Variants in UGT1A10 observed in about 807,000 individuals in gnomAD.
UGT1A10 encodes UDP glucuronosyltransferase family 1 member A10.
In UGT1A10, 49 loss-of-function variants were observed where a neutral mutation model predicts 45.8. That is an observed-to-expected ratio of 1.07 (90% CI 0.85 to 1.36). UGT1A10 has a LOEUF of 1.36. UGT1A10 is among the 40% of genes most tolerant of loss of function. The probability of loss-of-function intolerance (pLI) is 0.00; values close to 1 mark genes in which losing one functional copy is unlikely to be tolerated. For synonymous variants in UGT1A10, 284 were observed against 249.7 expected (o/e 1.14, Z -1.29); for missense variants, 745 against 668.6 (o/e 1.11, Z -1.26).
intron 1 of UGT1A10, among the ~76,000 whole-genome samples, chr2:233,701,445 A>G (rs2075628639): frequency 6.6e-6 from 1 of 152,168 alleles, no homozygotes; most frequent in Admixed American, 6.5e-5. Flanking sequence ...CGAGACAGAA[A>G]GTTAACAAGG....
In UGT1A10 at chr2:233,636,534, A is replaced by C. The variant is rs374664471; in HGVS notation, c.12A>C (p.Ala4=). ...GCTGCAGTTCTCTCATGGCTCGCGCAGGGTGGACCAGCCCCGTTCCTTTAT... is the reference window on the plus strand; with the variant it reads ...GCTGCAGTTCTCTCATGGCTCGCGCCGGGTGGACCAGCCCCGTTCCTTTAT... The part of the protein sequence containing the change: MAR[A]GWTSPVPLCV... Residue 4 remains alanine, a synonymous_variant, in exon 1 of 5, where the codon GCA becomes GCC. Coordinates refer to ENST00000344644, the MANE Select transcript of UGT1A10 (RefSeq NM_019075.4). 5.0e-6 allele frequency: 8 copies of C among 1,613,298 alleles called. No individual in the cohort carries two copies. Among genetic ancestry groups the C allele is most frequent in the Non-Finnish European group, 6.8e-6 (8 of 1,179,526 alleles).
chr2:233,718,955 G>C (rs1197227644), intron 1 of UGT1A10: 1 of 1,614,222 alleles, frequency 6.2e-7, no homozygotes, highest in Admixed American at 1.7e-5. Flanking sequence ...TCAGCATGCG[G>C]GAGGCCTTGC....
chr2:233,643,863 C>T (rs1433255166), intron 1 of UGT1A10, among the ~76,000 whole-genome samples: 1 of 152,170 alleles, frequency 6.6e-6, no homozygotes. Context: ...GGGCCTGGCA[C>T]AGGGGCCTCA....
At chr2:233,720,540 C>T (rs1283139859) in intron 1 of UGT1A10, among the ~76,000 whole-genome samples, 3 of 152,068 alleles carry the variant, frequency 2.0e-5, no homozygotes, top group African/African-American at 7.2e-5. Context: ...CACCCTATCC[C>T]ACTCCAAGTT....
At chr2:233,645,146 C>T (rs983267962) in intron 1 of UGT1A10, among the ~76,000 whole-genome samples, 2 of 152,132 alleles carry the variant, frequency 1.3e-5, no homozygotes, top group Non-Finnish European at 2.9e-5. Context: ...GACAAAGCAT[C>T]GATGAAAGCA....
At chr2:233,645,423 C>T (rs2073573994) in intron 1 of UGT1A10, among the ~76,000 whole-genome samples, 1 of 152,232 alleles carries the variant, frequency 6.6e-6, no homozygotes, top group African/African-American at 2.4e-5. Context: ...AAAGTCTCAG[C>T]ATTAACTCAA....
At chr2:233,753,670 G>T (rs1438239507) in intron 1 of UGT1A10, 3 of 152,198 alleles carry the variant, frequency 2.0e-5, no homozygotes, top group Admixed American at 6.5e-5. Flanking sequence ...TGTGTATGGT[G>T]CCTCACCCAA....
At chr2:233,638,329 T>C (rs1328010776) in intron 1 of UGT1A10, among the ~76,000 whole-genome samples, 1 of 152,212 alleles carries the variant, frequency 6.6e-6, no homozygotes, top group African/African-American at 2.4e-5. Context: ...TACATTTAAC[T>C]GATTACTGGT....
intron 1 of UGT1A10, chr2:233,748,082 C>T (rs1013967791): frequency 1.5e-5 from 25 of 1,612,926 alleles, no homozygotes; most frequent in East Asian, 6.7e-5. Context: ...TATCTCAGGT[C>T]GGTGTTCGTG....
In UGT1A10 at chr2:233,713,868, G is replaced by C. The variant is rs374502010; in HGVS notation, c.856-53166G>C. ...GAAGCCACTATCTCAGGTCTGTATT[G>C]GTGCCTTTATCCAATCAATGTTCCA... On this transcript the variant is annotated intron_variant, in intron 1 of 4. Coordinates refer to ENST00000344644, the MANE Select transcript of UGT1A10 (RefSeq NM_019075.4). 94 of 1,613,748 alleles carry C rather than the reference G, an allele frequency of 5.8e-5. No individual in the cohort carries two copies. The African/African-American group carries it at 1.1e-3, about 20-fold the overall frequency.
intron 1 of UGT1A10, among the ~76,000 whole-genome samples, chr2:233,701,695 C>A (rs560963987): frequency 6.6e-6 from 1 of 152,306 alleles, no homozygotes; most frequent in East Asian, 1.9e-4. Flanking sequence ...GAAAATCACT[C>A]AAAACCGCTC....
intron 1 of UGT1A10, among the ~76,000 whole-genome samples, chr2:233,688,403 T>C (rs1229313639): frequency 6.6e-6 from 1 of 152,250 alleles, no homozygotes; most frequent in Non-Finnish European, 1.5e-5. Context: ...TGTTCTAATT[T>C]TCGAGCCCAT....
intron 1 of UGT1A10, among the ~76,000 whole-genome samples, chr2:233,751,545 C>T (rs562388554): frequency 7.0e-4 from 106 of 152,320 alleles, no homozygotes; most frequent in Non-Finnish European, 1.4e-3. Context: ...TGTGTTTCCA[C>T]CCAAATCTCA....
chr2:233,762,916 A>T (rs1698195607), intron 1 of UGT1A10, among the ~76,000 whole-genome samples: 1 of 152,252 alleles, frequency 6.6e-6, no homozygotes, highest in African/African-American at 2.4e-5. Context: ...TATTGAATTT[A>T]TTAGAATCTC....
rs887601721 is a variant in UGT1A10 at position 233,701,996 on chromosome 2, G to C, written c.855+64619G>C. On this transcript the variant is annotated intron_variant, in intron 1 of 4. Coordinates refer to ENST00000344644, the MANE Select transcript of UGT1A10 (RefSeq NM_019075.4). ...AAAAGGCAAGAAATAACTAAGATCA[G>C]AGCAGAACTGAAGGAAATAGAGACA... 5.3e-5 allele frequency among the ~76,000 whole-genome samples: 8 copies of C among 152,166 alleles called. No homozygotes were observed. In the South Asian group the frequency reaches 1.0e-3, roughly 20 times the overall value.
intron 1 of UGT1A10, among the ~76,000 whole-genome samples, chr2:233,699,342 G>A (rs1260601774): frequency 6.6e-6 from 1 of 152,020 alleles, no homozygotes; most frequent in Non-Finnish European, 1.5e-5. Context: ...TCCACCCTAG[G>A]GCTAACCTCT....
intron 1 of UGT1A10, among the ~76,000 whole-genome samples, chr2:233,720,207 G>A (rs764211548): frequency 6.6e-6 from 1 of 152,150 alleles, no homozygotes; most frequent in Non-Finnish European, 1.5e-5. Flanking sequence ...TGTGAAGGTG[G>A]GATGGATGCA....
intron 1 of UGT1A10, chr2:233,682,633 T>G: frequency 2.5e-6 from 4 of 1,613,964 alleles, no homozygotes; most frequent in Non-Finnish European, 3.4e-6. Flanking sequence ...AAATAGCCTC[T>G]GAAATTCTCC....
chr2:233,687,720 T>C (rs1399699697), intron 1 of UGT1A10, among the ~76,000 whole-genome samples: 1 of 150,430 alleles, frequency 6.6e-6, no homozygotes, highest in Non-Finnish European at 1.5e-5. Flanking sequence ...CTGGACAACA[T>C]AGGGAGACAC....
Sources: allele counts gnomAD v4.1 joint callset (sites outside exome capture counted in the v4.1 genomes callset), GRCh38; gene constraint gnomAD v4.1.1; transcripts MANE v1.5; gene names NCBI Gene and HGNC (gene_info 2026-07-23, HGNC 2026-07-21).